TRAPPC3L: variants seen among roughly 807,000 people sequenced by gnomAD.
TRAPPC3L encodes trafficking protein particle complex subunit 3-like protein.
In TRAPPC3L, 23 loss-of-function variants were observed where a neutral mutation model predicts 23.7. The observed-to-expected ratio is 0.97, with a 90% CI of 0.70 to 1.37. The LOEUF is 1.37. TRAPPC3L is among the 40% of genes most tolerant of loss of function. The pLI is 0.00. For missense variants in TRAPPC3L, 212 were observed against 216.8 expected, an observed-to-expected ratio of 0.98 and a Z score of 0.14; for synonymous variants, 81 against 77.9, an observed-to-expected ratio of 1.04 and a Z score of -0.21.
intron 2 of TRAPPC3L, among the ~76,000 whole-genome samples, chr6:116,541,930 A>T (rs907395235): frequency 3.3e-5 from 5 of 152,100 alleles, no homozygotes; most frequent in African/African-American, 9.7e-5. Context: ...CTAAATGTGA[A>T]TTTTTTTCTT....
rs904144159 is a variant in TRAPPC3L at position 116,526,777 on chromosome 6, G to A, written c.240+13586C>T. 2.9e-4 allele frequency among the ~76,000 whole-genome samples: 44 copies of A among 151,960 alleles called. 1 individual carries two copies. The highest frequency in any genetic ancestry group is 1.0e-3 in the African/African-American group (43 of 41,452). On this transcript the variant is annotated intron_variant, in intron 3 of 4. Coordinates refer to ENST00000368602, the MANE Select transcript of TRAPPC3L (RefSeq NM_001139444.3). ...TGTTTCCCAGGGTATTTACTCCATG[G>A]TTTTTTTTCTTAATAAAGAATTTTA...
intron 2 of TRAPPC3L, among the ~76,000 whole-genome samples, chr6:116,541,940 T>C (rs1013618190): frequency 1.3e-5 from 2 of 152,178 alleles, no homozygotes; most frequent in Non-Finnish European, 2.9e-5. Flanking sequence ...ATTTTTTTCT[T>C]AAGGAAAGAT....
chr6:116,496,051 G>A lies in TRAPPC3L; in HGVS notation c.*903C>T, dbSNP rs1298195238. On this transcript the variant is annotated 3_prime_UTR_variant, in exon 5 of 5. Transcript: ENST00000368602. ...TGCAGAGCCCAGTAGATTCTGGGCT[G>A]CCTTGTAGGCCGCCCTTGTGTGCCA... is the stretch of plus-strand genomic sequence containing the variant. 2 of 152,188 alleles carry A rather than the reference G, an allele frequency of 1.3e-5. No individual in the cohort carries two copies. The highest frequency in any genetic ancestry group is 4.8e-5 in the African/African-American group (2 of 41,460). 9.4% of individuals were successfully genotyped at this position (152,188 alleles called of 1,614,324 possible).
intron 3 of TRAPPC3L, among the ~76,000 whole-genome samples, chr6:116,504,753 C>A (rs963126744): frequency 6.6e-6 from 1 of 152,112 alleles, no homozygotes; most frequent in African/African-American, 2.4e-5. Context: ...ATAAACAGAA[C>A]CAAAGACAAA....
At chr6:116,512,361 T>G in intron 3 of TRAPPC3L, 1 of 1,090,766 alleles carries the variant, frequency 9.2e-7, no homozygotes, top group Non-Finnish European at 1.3e-6. Context: ...AACTGAAACA[T>G]GATGCAGCAT....
intron 3 of TRAPPC3L, chr6:116,523,154 G>C (rs976225553): frequency 6.6e-6 from 1 of 151,928 alleles, no homozygotes; most frequent in Non-Finnish European, 1.5e-5. Flanking sequence ...GGGAAGGCAG[G>C]CTGTAAGAAA....
At chr6:116,497,394 G>T (rs897041605) in intron 4 of TRAPPC3L, among the ~76,000 whole-genome samples, 1 of 152,156 alleles carries the variant, frequency 6.6e-6, no homozygotes, top group Non-Finnish European at 1.5e-5. Flanking sequence ...CCAGCTCGGG[G>T]ATAGCCTTGA....
intron 3 of TRAPPC3L, among the ~76,000 whole-genome samples, chr6:116,532,261 TTG>T (rs904251127): frequency 3.9e-5 from 6 of 152,190 alleles, no homozygotes; most frequent in African/African-American, 1.4e-4. Flanking sequence ...TCTCTCTTTT[TTG>T]TCTTTTTTTT....
At chr6:116,509,112 A>C (rs76444862) in intron 3 of TRAPPC3L, among the ~76,000 whole-genome samples, 17 of 139,058 alleles carry the variant, frequency 1.2e-4, no homozygotes, top group East Asian at 4.4e-4. Context: ...AAAAAAAAAA[A>C]CCCACCGATG....
chr6:116,537,603 C>G (rs1474510382), intron 3 of TRAPPC3L, among the ~76,000 whole-genome samples: 1 of 152,090 alleles, frequency 6.6e-6, no homozygotes, highest in Admixed American at 6.5e-5. Flanking sequence ...TGAAAGAACT[C>G]TTGTTCTATT....
chr6:116,517,144 C>G (rs1259011621), intron 3 of TRAPPC3L: 2 of 152,116 alleles, frequency 1.3e-5, no homozygotes, highest in East Asian at 1.9e-4. Flanking sequence ...GCTCCACCTT[C>G]ATGACCCAAT....
At chr6:116,508,499 T>C (rs1027922373) in intron 3 of TRAPPC3L, among the ~76,000 whole-genome samples, 1 of 152,136 alleles carries the variant, frequency 6.6e-6, no homozygotes, top group Non-Finnish European at 1.5e-5. Flanking sequence ...CTTGTCAGCA[T>C]AGAGAATGGA....
chr6:116,540,309 A>C, intron 3 of TRAPPC3L, 54 bp downstream of exon 3: 1 of 1,510,642 alleles, frequency 6.6e-7, no homozygotes, highest in East Asian at 2.5e-5. Flanking sequence ...CACCATACTC[A>C]AAAAGAATCA....
At position 116,496,395 on chromosome 6, in the gene TRAPPC3L, T is replaced by A. The variant is rs1357066639; in HGVS notation, c.*559A>T. 1 of 152,170 alleles carries A rather than the reference T, an allele frequency of 6.6e-6. No individual in the cohort carries two copies. Among genetic ancestry groups the A allele is most frequent in the African/African-American group, 2.4e-5 (1 of 41,456 alleles). The allele number at this position is 152,170 out of a possible 1,614,324, so 9.4% of individuals were successfully genotyped here. A position where few individuals can be genotyped will look rare whatever the true frequency, so the allele number is the denominator to read the frequency against. ...TGTTTCAAAATTATCATTGAATAAA[T>A]AGCTTGACTTGGTGATTACAAATCA... is the stretch of plus-strand genomic sequence containing the variant. On this transcript the variant is annotated 3_prime_UTR_variant, in exon 5 of 5. Coordinates refer to ENST00000368602, the MANE Select transcript of TRAPPC3L (RefSeq NM_001139444.3).
intron 3 of TRAPPC3L, chr6:116,515,488 G>C: frequency 9.2e-7 from 1 of 1,088,440 alleles, no homozygotes; most frequent in Non-Finnish European, 1.3e-6. Flanking sequence ...GATTTCAAAT[G>C]AGGTATGTCA....
intron 3 of TRAPPC3L, chr6:116,515,945 G>A: frequency 1.2e-6 from 2 of 1,612,218 alleles, no homozygotes; most frequent in Non-Finnish European, 1.7e-6. Context: ...CCCTGAGGAT[G>A]ATGAGACGAC....
intron 3 of TRAPPC3L, chr6:116,520,292 A>G (rs746254011): frequency 6.6e-6 from 1 of 152,106 alleles, no homozygotes; most frequent in Non-Finnish European, 1.5e-5. Context: ...TATTAACTAT[A>G]TTATTCTATT....
At chr6:116,512,200 T>C in intron 3 of TRAPPC3L, 2 of 1,606,128 alleles carry the variant, frequency 1.2e-6, no homozygotes, top group Non-Finnish European at 1.7e-6. Flanking sequence ...CTACCGTCAA[T>C]GAAGAACTGA....
At chr6:116,498,812 C>CTTGG (rs1771869810) in intron 4 of TRAPPC3L, among the ~76,000 whole-genome samples, 1 of 152,114 alleles carries the variant, frequency 6.6e-6, no homozygotes, top group African/African-American at 2.4e-5. Flanking sequence ...CCTTCTTTTC[C>CTTGG]TACCTCTGAT....
Sources: allele counts gnomAD v4.1 joint callset (sites outside exome capture counted in the v4.1 genomes callset), GRCh38; gene constraint gnomAD v4.1.1; transcripts MANE v1.5; gene names NCBI Gene and HGNC (gene_info 2026-07-23, HGNC 2026-07-21).